The following PPP1R12B variants were observed in gnomAD, a reference collection of about 807,000 sequenced individuals.
PPP1R12B encodes the protein protein phosphatase 1 regulatory subunit 12B, also known as myosin phosphatase target subunit 2.
PPP1R12B carries 76 observed loss-of-function variants against 126.1 expected under a neutral mutation model. That is an observed-to-expected ratio of 0.60 (90% CI 0.50 to 0.73). PPP1R12B has a LOEUF of 0.73. Among genes scored for constraint, PPP1R12B ranks in the 30% least tolerant of loss-of-function variants. PPP1R12B has a pLI of 0.00. For synonymous variants in PPP1R12B, 356 were observed against 434.7 expected (o/e 0.82, Z 2.25); for missense variants, 1,052 against 1,205.1 (o/e 0.87, Z 1.88).
At chr1:202,552,662 A>G (rs1686443008) in intron 18 of PPP1R12B, among the ~76,000 whole-genome samples, 1 of 152,212 alleles carries the variant, frequency 6.6e-6, no homozygotes, top group Non-Finnish European at 1.5e-5. Flanking sequence ...CTCAGCTAGT[A>G]CACAAGAACA....
At chr1:202,527,134 C>A (rs1381146629) in intron 18 of PPP1R12B, among the ~76,000 whole-genome samples, 1 of 151,260 alleles carries the variant, frequency 6.6e-6, no homozygotes, top group African/African-American at 2.5e-5. Flanking sequence ...AGTGTTAATA[C>A]CAGAAGCTGA....
In PPP1R12B at chr1:202,590,483, T is replaced by C. The variant is rs1690065019; in HGVS notation, c.*9923T>C. On this transcript the variant is annotated 3_prime_UTR_variant, in exon 24 of 24. Transcript: ENST00000608999. ...AGATTCTGGGTTAGAAGCCAGAGCC[T>C]CAGGACCATCTCACCACCCTCACCC... is the stretch of plus-strand genomic sequence containing the variant. 6.6e-6 allele frequency: 1 copy of C among 151,430 alleles called. No homozygotes were observed. The highest frequency in any genetic ancestry group is 1.5e-5 in the Non-Finnish European group (1 of 67,948). 9.4% of individuals were successfully genotyped at this position (151,430 alleles called of 1,614,324 possible).
At chr1:202,530,983 A>T (rs1162543419) in intron 18 of PPP1R12B, among the ~76,000 whole-genome samples, 1 of 152,190 alleles carries the variant, frequency 6.6e-6, no homozygotes, top group Non-Finnish European at 1.5e-5. Flanking sequence ...AGTCCCTAAT[A>T]TGTCTCCCTC....
chr1:202,522,147 T>C (rs1425535489), intron 18 of PPP1R12B, among the ~76,000 whole-genome samples: 1 of 152,138 alleles, frequency 6.6e-6, no homozygotes, highest in Non-Finnish European at 1.5e-5. Context: ...TACACGAAGC[T>C]AAGTTTTCAA....
intron 1 of PPP1R12B, among the ~76,000 whole-genome samples, chr1:202,351,753 T>TGGCCAC (rs1656055620): frequency 6.6e-6 from 1 of 152,174 alleles, no homozygotes; most frequent in Admixed American, 6.5e-5. Context: ...CTTTTGGCCA[T>TGGCCAC]GGCCACTTGA....
chr1:202,568,169 TACACACACAC>T lies in PPP1R12B; in HGVS notation c.2811+358_2811+367del, dbSNP rs112151278. On this transcript the variant is annotated intron_variant, in intron 22 of 23. Transcript: ENST00000608999. Reference sequence around the variant, plus strand: ...TTTTGGTTTACTGTAAATCATTGCATACACACACACACACACACACACACACACATCCAAG... The same window carrying T: ...TTTTGGTTTACTGTAAATCATTGCATACACACACACACACACACATCCAAG... 2.0e-5 allele frequency among the ~76,000 whole-genome samples: 3 copies of T among 147,360 alleles called. No homozygotes were observed. The South Asian group carries it at 6.5e-4, about 32-fold the overall frequency.
At position 202,425,703 on chromosome 1, in the gene PPP1R12B, A is replaced by T. The variant is rs1669413087; in HGVS notation, c.679A>T (p.Lys227Ter). 6.2e-7 allele frequency: 1 copy of T among 1,613,778 alleles called. No individual in the cohort carries two copies. Reference sequence around the variant, plus strand: ...TACAGCCCTTCATGTGGCTGCTGCCAAGGGCTACTCTGAAGTCCTCAGGTA... The same window carrying T: ...TACAGCCCTTCATGTGGCTGCTGCCTAGGGCTACTCTGAAGTCCTCAGGTA... ...GATALHVAAAKGYSEVLRLLI... is the reference protein window; with the variant it reads ...GATALHVAAA The change falls in exon 4 of 24, where the codon AAG (lysine) becomes TAG (stop). Residue 227 changes from lysine (K) to a stop codon, truncating the protein, a stop_gained. Coordinates refer to ENST00000608999, the MANE Select transcript of PPP1R12B (RefSeq NM_002481.4). LOFTEE classifies it high-confidence loss of function.
chr1:202,541,663 A>G (rs1006470880), intron 18 of PPP1R12B, among the ~76,000 whole-genome samples: 6 of 152,158 alleles, frequency 3.9e-5, no homozygotes. Context: ...TCTCTTCACC[A>G]CTATAACCAT....
chr1:202,430,368 T>C (rs970709989), intron 6 of PPP1R12B, among the ~76,000 whole-genome samples: 3 of 152,208 alleles, frequency 2.0e-5, no homozygotes, highest in African/African-American at 7.2e-5. Flanking sequence ...GGTACCTGTG[T>C]TTTCTTTAGA....
At chr1:202,396,893 G>A (rs773041582) in intron 1 of PPP1R12B, among the ~76,000 whole-genome samples, 2 of 152,276 alleles carry the variant, frequency 1.3e-5, no homozygotes, top group African/African-American at 4.8e-5. Flanking sequence ...TCCTATTGCA[G>A]TGGAGAGTTT....
chr1:202,359,791 G>C (rs1326516335), intron 1 of PPP1R12B, among the ~76,000 whole-genome samples: 2 of 152,158 alleles, frequency 1.3e-5, no homozygotes, highest in African/African-American at 4.8e-5. Flanking sequence ...GTGACAGAGT[G>C]AGACTCTGTC....
intron 18 of PPP1R12B, among the ~76,000 whole-genome samples, chr1:202,535,768 A>G (rs1216303990): frequency 6.6e-6 from 1 of 152,218 alleles, no homozygotes. Flanking sequence ...GTGGTCAAGA[A>G]TATTTCCATT....
intron 18 of PPP1R12B, among the ~76,000 whole-genome samples, chr1:202,555,353 A>AAAAAAAAAAAG (rs1553320335): frequency 1.6e-5 from 2 of 121,584 alleles, no homozygotes; most frequent in African/African-American, 5.9e-5. Flanking sequence ...AAAAAAAAAA[A>AAAAAAAAAAAG]GCTTGTTTCG....
At position 202,348,881 on chromosome 1, in the gene PPP1R12B, G is replaced by A. The variant is rs1655394425; in HGVS notation, c.30G>A (p.Lys10=). The change falls in exon 1 of 24, where the codon AAG becomes AAA. Residue 10 remains lysine (K), a synonymous_variant. Coordinates refer to ENST00000608999, the MANE Select transcript of PPP1R12B (RefSeq NM_002481.4). ...CGGAACTGGAGCACCTAGGAGGGAAGCGGGCAGAGTCGGCGCGAATGCGGC... is the reference window on the plus strand; with the variant it reads ...CGGAACTGGAGCACCTAGGAGGGAAACGGGCAGAGTCGGCGCGAATGCGGC... MAELEHLGG[K]RAESARMRRA... 1.9e-6 allele frequency: 3 copies of A among 1,610,720 alleles called. No homozygotes were observed. Among genetic ancestry groups the A allele is most frequent in the Non-Finnish European group, 2.5e-6 (3 of 1,179,306 alleles).
chr1:202,500,242 T>TCTCTCTCA (rs1680062394), intron 18 of PPP1R12B, among the ~76,000 whole-genome samples: 2 of 151,776 alleles, frequency 1.3e-5, no homozygotes, highest in Admixed American at 6.6e-5. Flanking sequence ...TCTCTCTCTC[T>TCTCTCTCA]CTCACTCTCA....
intron 1 of PPP1R12B, among the ~76,000 whole-genome samples, chr1:202,410,977 G>A (rs528083625): frequency 1.0e-3 from 156 of 152,208 alleles, no homozygotes; most frequent in Middle Eastern, 3.4e-3. Context: ...AGCTTGTTTA[G>A]CCTGCTTCCC....
chr1:202,481,973 T>A (rs900433521), intron 13 of PPP1R12B, among the ~76,000 whole-genome samples: 3 of 152,142 alleles, frequency 2.0e-5, no homozygotes, highest in African/African-American at 7.2e-5. Context: ...TTGCACATAT[T>A]AGTGAGATCA....
chr1:202,466,473 T>G (rs1675003674), intron 13 of PPP1R12B, among the ~76,000 whole-genome samples: 1 of 152,160 alleles, frequency 6.6e-6, no homozygotes, highest in Non-Finnish European at 1.5e-5. Context: ...TTTTTTTCTG[T>G]AAACACCTTA....
intron 13 of PPP1R12B, among the ~76,000 whole-genome samples, chr1:202,451,954 C>T (rs1333407563): frequency 2.8e-4 from 41 of 148,906 alleles, no homozygotes; most frequent in African/African-American, 6.5e-4. Context: ...TCAGACGGGG[C>T]GGCTGCTGGG....
Sources: allele counts gnomAD v4.1 joint callset (sites outside exome capture counted in the v4.1 genomes callset), GRCh38; gene constraint gnomAD v4.1.1; transcripts MANE v1.5; gene names NCBI Gene and HGNC (gene_info 2026-07-23, HGNC 2026-07-21).